TMEM132B: variants seen among roughly 807,000 people sequenced by gnomAD.
TMEM132B encodes transmembrane protein 132B.
In TMEM132B, 18 loss-of-function variants were observed where a neutral mutation model predicts 90.8. The ratio of observed to expected loss-of-function variants is 0.20; its 90% CI spans 0.14 to 0.29. TMEM132B has a LOEUF of 0.29. Ranked by LOEUF, TMEM132B falls within the 10% of genes least tolerant of loss-of-function variation. TMEM132B has a pLI of 1.00. For missense variants in TMEM132B, 1,096 were observed against 1,326.8 expected, an observed-to-expected ratio of 0.83 and a Z score of 2.70; for synonymous variants, 504 against 523.3, an observed-to-expected ratio of 0.96 and a Z score of 0.50.
chr12:125,550,006 G>A (rs934620208), intron 4 of TMEM132B, among the ~76,000 whole-genome samples: 1 of 152,158 alleles, frequency 6.6e-6, no homozygotes, highest in African/African-American at 2.4e-5. Context: ...TTTGTCAGCT[G>A]GTGCAGTACT....
chr12:125,295,216 T>C (rs1383574192), intron 1 of TMEM132B, among the ~76,000 whole-genome samples: 1 of 152,246 alleles, frequency 6.6e-6, no homozygotes, highest in African/African-American at 2.4e-5. Context: ...GCTTCTGTTC[T>C]GACAAGTCAC....
chr12:125,345,157 C>G (rs1190091154), intron 1 of TMEM132B, among the ~76,000 whole-genome samples: 1 of 152,104 alleles, frequency 6.6e-6, no homozygotes, highest in Non-Finnish European at 1.5e-5. Context: ...CACCTGGCCA[C>G]CTGGCCCACT....
chr12:125,567,678 A>G (rs950393979), intron 4 of TMEM132B, among the ~76,000 whole-genome samples: 2 of 152,202 alleles, frequency 1.3e-5, no homozygotes, highest in Non-Finnish European at 2.9e-5. Flanking sequence ...CCGTAATGCC[A>G]TCCACTCAGT....
intron 2 of TMEM132B, among the ~76,000 whole-genome samples, chr12:125,394,583 G>C (rs1417670936): frequency 6.6e-6 from 1 of 152,176 alleles, no homozygotes; most frequent in Non-Finnish European, 1.5e-5. Context: ...GAAGTCATTA[G>C]TTTCCTTTTT....
intron 1 of TMEM132B, among the ~76,000 whole-genome samples, chr12:125,253,676 C>T (rs1221844614): frequency 6.6e-6 from 1 of 152,146 alleles, no homozygotes; most frequent in African/African-American, 2.4e-5. Flanking sequence ...TCAAGTGGTT[C>T]TCCTGCCTCA....
At chr12:125,647,566 G>C (rs1223435953) in intron 6 of TMEM132B, among the ~76,000 whole-genome samples, 1 of 152,214 alleles carries the variant, frequency 6.6e-6, no homozygotes, top group East Asian at 1.9e-4. Flanking sequence ...GAAAGGAACT[G>C]TCAGCCTCAA....
chr12:125,440,889 C>T (rs1880851401), intron 3 of TMEM132B, among the ~76,000 whole-genome samples: 1 of 152,180 alleles, frequency 6.6e-6, no homozygotes, highest in South Asian at 2.1e-4. Flanking sequence ...TGTGGCTGCT[C>T]AGTGTAGAAG....
intron 2 of TMEM132B, among the ~76,000 whole-genome samples, chr12:125,370,591 A>G (rs1024614439): frequency 2.0e-5 from 3 of 152,110 alleles, no homozygotes; most frequent in Non-Finnish European, 4.4e-5. Flanking sequence ...TTTTTTAAAT[A>G]GACATGGGGG....
At chr12:125,247,979 A>C (rs4765029) in intron 1 of TMEM132B, among the ~76,000 whole-genome samples, 8 of 152,146 alleles carry the variant, frequency 5.3e-5, no homozygotes, top group African/African-American at 1.9e-4. Flanking sequence ...CTTTGGGGAC[A>C]CATCCTTCAG....
At chr12:125,641,561 T>TG (rs1363765497) in intron 5 of TMEM132B, among the ~76,000 whole-genome samples, 1 of 152,216 alleles carries the variant, frequency 6.6e-6, no homozygotes, top group Non-Finnish European at 1.5e-5. Flanking sequence ...ACTCAAAAGA[T>TG]AGTCAACATA....
At chr12:125,464,661 C>A (rs1408204783) in intron 3 of TMEM132B, among the ~76,000 whole-genome samples, 1 of 152,192 alleles carries the variant, frequency 6.6e-6, no homozygotes, top group Non-Finnish European at 1.5e-5. Flanking sequence ...TCTGCATACA[C>A]TGGCATCATT....
At chr12:125,450,509 G>A (rs1195751536) in intron 3 of TMEM132B, among the ~76,000 whole-genome samples, 2 of 151,948 alleles carry the variant, frequency 1.3e-5, no homozygotes, top group East Asian at 3.8e-4. Context: ...AATCGTGATA[G>A]GAGAGTGACT....
chr12:125,272,918 C>T (rs768788430), intron 1 of TMEM132B, among the ~76,000 whole-genome samples: 4 of 152,252 alleles, frequency 2.6e-5, no homozygotes, highest in East Asian at 1.9e-4. Flanking sequence ...AGTCAGATGC[C>T]GGGGGTCAGG....
chr12:125,604,996 G>C (rs1885658927), intron 5 of TMEM132B, among the ~76,000 whole-genome samples: 1 of 152,212 alleles, frequency 6.6e-6, no homozygotes, highest in South Asian at 2.1e-4. Context: ...GGTGACAGAA[G>C]AGGTGGTGGT....
In TMEM132B at chr12:125,415,672, G is replaced by A; in HGVS notation, c.1101G>A (p.Gln367=). The change falls in exon 3 of 9, where the codon CAG becomes CAA. Residue 367 remains glutamine, a synonymous_variant. Coordinates refer to ENST00000682704, the MANE Select transcript of TMEM132B (RefSeq NM_001366854.1). This position sits in a 1 kb window ranked among gnomAD's most constrained non-coding sequence, Gnocchi z 5.3. ...GCATGGGCCATCGCCCGGACACGCA[G>A]AGCAGGTAAGCATGGAGATCCCCAA... ...LTCMGHRPDT[Q]SRVNGSFYEI... 1.9e-6 allele frequency: 3 copies of A among 1,614,094 alleles called. No homozygotes were observed. The highest frequency in any genetic ancestry group is 2.5e-6 in the Non-Finnish European group (3 of 1,179,990).
At chr12:125,619,987 G>C (rs893308357) in intron 5 of TMEM132B, among the ~76,000 whole-genome samples, 78 of 152,272 alleles carry the variant, frequency 5.1e-4, no homozygotes, top group African/African-American at 1.9e-3. Flanking sequence ...TATCCATCTT[G>C]AGTGAGTAGG....
In TMEM132B at chr12:125,196,161, G is replaced by A. The variant is rs534446024; in HGVS notation, c.67+9295G>A. Among the ~76,000 whole-genome samples, 18 of 152,254 alleles carry A rather than the reference G, an allele frequency of 1.2e-4. No individual in the cohort carries two copies. The South Asian group carries it at 3.3e-3, about 28-fold the overall frequency. ...GAGGTGAGAAGTAGTGAGATGTGGG[G>A]TGTATTCTGAAATTTGAGCCACAAG... On this transcript the variant is annotated intron_variant, in intron 1 of 8. Coordinates refer to ENST00000682704, the MANE Select transcript of TMEM132B (RefSeq NM_001366854.1).
chr12:125,651,998 CT>C lies in TMEM132B; in HGVS notation c.1915-442del, dbSNP rs372627546. On this transcript the variant is annotated intron_variant, in intron 7 of 8. Transcript: ENST00000682704. ...GAATCTCTGGCTTCCCCTTCTGCCC[CT>C]AGCCAGGAAAAGGTCTCTGCTTTTA... Among the ~76,000 whole-genome samples, 640 of 152,298 alleles carry C rather than the reference CT, an allele frequency of 4.2e-3. 10 individuals carry two copies. The highest frequency in any genetic ancestry group is 0.015 in the African/African-American group (604 of 41,548).
At chr12:125,469,324 A>G (rs1164287382) in intron 3 of TMEM132B, among the ~76,000 whole-genome samples, 1 of 152,222 alleles carries the variant, frequency 6.6e-6, no homozygotes, top group East Asian at 1.9e-4. Context: ...TTACAAATAT[A>G]AGATTATAAT....
Sources: gnomAD v4.1 joint callset for allele counts (sites outside exome capture counted in the v4.1 genomes callset) on GRCh38, gnomAD v4.1.1 for gene constraint, Gnocchi (gnomAD v3.1) non-coding constraint, MANE v1.5 for transcripts, NCBI Gene and HGNC (gene_info 2026-07-23, HGNC 2026-07-21) for gene names.